KCNIP4: variants seen among roughly 807,000 people sequenced by gnomAD.
KCNIP4 encodes the protein Kv channel-interacting protein 4.
Under a neutral mutation model 34.0 loss-of-function variants are expected in KCNIP4, and 12 were observed. That is an observed-to-expected ratio of 0.35 (90% confidence interval 0.23 to 0.57). The LOEUF (loss-of-function observed/expected upper bound fraction) is 0.57, where lower values mean the gene tolerates loss of function less well. KCNIP4 is among the 20% of genes least tolerant of loss of function. The pLI is 0.83. For synonymous variants in KCNIP4, 124 were observed against 102.2 expected (o/e 1.21, Z -1.29); for missense variants, 238 against 311.7 (o/e 0.76, Z 1.78).
rs562892438 is a variant in KCNIP4 at position 21,180,185 on chromosome 4, C to T, written c.62-297476G>A. 6.6e-5 allele frequency among the ~76,000 whole-genome samples: 10 copies of T among 152,258 alleles called. No individual in the cohort carries two copies. The East Asian group carries it at 1.5e-3, about 24-fold the overall frequency. ...GTACCTAAAAATGTAATTACTGAAA[C>T]TCTCATAAATCTCACTTCTGCATCA... On this transcript the variant is annotated intron_variant, in intron 1 of 8. Coordinates refer to ENST00000382152, the MANE Select transcript of KCNIP4 (RefSeq NM_025221.6).
intron 1 of KCNIP4, among the ~76,000 whole-genome samples, chr4:21,135,041 C>T (rs543001683): frequency 2.2e-4 from 34 of 152,294 alleles, no homozygotes; most frequent in Middle Eastern, 3.4e-3. Flanking sequence ...TTCTCACATA[C>T]GGATTCAGGT....
At chr4:21,211,659 T>G (rs546814211) in intron 1 of KCNIP4, among the ~76,000 whole-genome samples, 1 of 152,260 alleles carries the variant, frequency 6.6e-6, no homozygotes, top group African/African-American at 2.4e-5. Flanking sequence ...AAAGCAAAGC[T>G]GTTTAGAAAG....
chr4:21,344,749 A>C lies in KCNIP4; in HGVS notation c.62-462040T>G, dbSNP rs114196347. Among the ~76,000 whole-genome samples, 725 of 152,316 alleles carry C rather than the reference A, an allele frequency of 4.8e-3. 7 individuals are homozygous for C. Among genetic ancestry groups the C allele is most frequent in the African/African-American group, 0.017 (697 of 41,584 alleles). On this transcript the variant is annotated intron_variant, in intron 1 of 8. Coordinates refer to ENST00000382152, the MANE Select transcript of KCNIP4 (RefSeq NM_025221.6). ...TCCAAATTTCCAGAAAAGGAAATTA[A>C]AGTAACAATATTGATTACTGTTGTT...
At chr4:21,789,593 C>T (rs779860502) in intron 1 of KCNIP4, among the ~76,000 whole-genome samples, 1 of 152,178 alleles carries the variant, frequency 6.6e-6, no homozygotes, top group African/African-American at 2.4e-5. Flanking sequence ...TTTAAGACTA[C>T]GTAACATCTT....
intron 1 of KCNIP4, among the ~76,000 whole-genome samples, chr4:21,177,481 T>C (rs1428027688): frequency 1.3e-5 from 2 of 152,102 alleles, no homozygotes; most frequent in Non-Finnish European, 2.9e-5. Context: ...GCTCAAAACA[T>C]GGCTATTAAA....
intron 1 of KCNIP4, among the ~76,000 whole-genome samples, chr4:21,928,885 CCTAA>C (rs5856679): frequency 0.25 from 38,596 of 151,590 alleles, 5,781 homozygotes; most frequent in East Asian, 0.61. Flanking sequence ...CTAACAACAA[CCTAA>C]CTGAGATATA....
intron 1 of KCNIP4, among the ~76,000 whole-genome samples, chr4:21,340,844 G>A (rs1046060337): frequency 6.6e-6 from 1 of 152,036 alleles, no homozygotes; most frequent in African/African-American, 2.4e-5. Flanking sequence ...AACATGGCCA[G>A]CTCCGTATAT....
intron 1 of KCNIP4, among the ~76,000 whole-genome samples, chr4:20,904,310 T>C (rs1727487402): frequency 6.9e-6 from 1 of 143,958 alleles, no homozygotes; most frequent in South Asian, 2.1e-4. Context: ...TTTAAAACTA[T>C]ATATATGTAT....
intron 1 of KCNIP4, among the ~76,000 whole-genome samples, chr4:20,956,484 G>A (rs1024405929): frequency 5.5e-5 from 8 of 145,712 alleles, no homozygotes; most frequent in South Asian, 2.2e-4. Flanking sequence ...CAGCCTGGGC[G>A]ACAGTGCAAG....
At chr4:20,739,045 C>T (rs373459400) in intron 5 of KCNIP4, among the ~76,000 whole-genome samples, 11 of 152,272 alleles carry the variant, frequency 7.2e-5, no homozygotes, top group African/African-American at 2.2e-4. Flanking sequence ...GAGGGAGGGG[C>T]GTCCACCATT....
intron 1 of KCNIP4, among the ~76,000 whole-genome samples, chr4:21,037,807 T>C (rs142510898): frequency 1.2e-3 from 178 of 152,262 alleles, no homozygotes; most frequent in Non-Finnish European, 2.1e-3. Context: ...AACTTGGATT[T>C]TTTTTTTTAC....
At chr4:20,835,408 C>T (rs1366713235) in intron 3 of KCNIP4, among the ~76,000 whole-genome samples, 4 of 152,018 alleles carry the variant, frequency 2.6e-5, no homozygotes, top group Non-Finnish European at 2.9e-5. Flanking sequence ...GCTGTGACCT[C>T]GGAGAGGTCA....
intron 1 of KCNIP4, among the ~76,000 whole-genome samples, chr4:21,371,680 G>A (rs182954029): frequency 6.8e-6 from 1 of 147,304 alleles, no homozygotes; most frequent in Non-Finnish European, 1.5e-5. Context: ...GGAACCTGGA[G>A]AGGATGTAAG....
At position 21,179,108 on chromosome 4, in the gene KCNIP4, C is replaced by T. The variant is rs550003124; in HGVS notation, c.62-296399G>A. Among the ~76,000 whole-genome samples, 59 of 152,296 alleles carry T rather than the reference C, an allele frequency of 3.9e-4. No homozygotes were observed. The South Asian group carries it at 0.012, about 30-fold the overall frequency. On this transcript the variant is annotated intron_variant, in intron 1 of 8. Transcript: ENST00000382152. The stretch of plus-strand genomic sequence containing the variant: ...CTGTGATTACAGGCGTGAGCCACCA[C>T]GCCCAGCAAACATCTATATTTTCTA...
intron 1 of KCNIP4, among the ~76,000 whole-genome samples, chr4:21,079,089 G>C (rs953989207): frequency 6.6e-6 from 1 of 151,958 alleles, no homozygotes; most frequent in African/African-American, 2.4e-5. Context: ...CTTGGTTATG[G>C]CTTGGTCTCT....
intron 1 of KCNIP4, among the ~76,000 whole-genome samples, chr4:21,496,387 G>A (rs1216497515): frequency 6.6e-6 from 1 of 152,126 alleles, no homozygotes; most frequent in Non-Finnish European, 1.5e-5. Context: ...TCAGCTTGGG[G>A]ACACAGAATC....
At chr4:20,822,570 TG>T (rs1219064262) in intron 3 of KCNIP4, among the ~76,000 whole-genome samples, 8 of 152,190 alleles carry the variant, frequency 5.3e-5, no homozygotes, top group African/African-American at 1.9e-4. Context: ...ATCCCACCAC[TG>T]GGTATCTACC....
intron 3 of KCNIP4, among the ~76,000 whole-genome samples, chr4:20,783,849 A>T (rs1461106222): frequency 6.6e-6 from 1 of 152,176 alleles, no homozygotes; most frequent in African/African-American, 2.4e-5. Context: ...AGAGTGAGTG[A>T]TATTATTGGG....
chr4:21,657,298 T>C (rs1371231330), intron 1 of KCNIP4, among the ~76,000 whole-genome samples: 1 of 152,242 alleles, frequency 6.6e-6, no homozygotes, highest in East Asian at 1.9e-4. Context: ...GTGTTGCGTC[T>C]GTTGGCTTAT....
Sources: allele counts gnomAD v4.1 joint callset (sites outside exome capture counted in the v4.1 genomes callset), GRCh38; gene constraint gnomAD v4.1.1; transcripts MANE v1.5; gene names NCBI Gene and HGNC (gene_info 2026-07-23, HGNC 2026-07-21).